Variants in FAM227B observed in about 807,000 individuals in gnomAD.
FAM227B encodes protein FAM227B.
Under a neutral mutation model 73.8 loss-of-function variants are expected in FAM227B, and 88 were observed. That is an observed-to-expected ratio of 1.19 (90% confidence interval 1.00 to 1.42). FAM227B has a LOEUF of 1.42. FAM227B is among the 40% of genes most tolerant of loss of function. The pLI is 0.00. For synonymous variants in FAM227B, 210 were observed against 190.5 expected (o/e 1.10, Z -0.84); for missense variants, 632 against 590.9 (o/e 1.07, Z -0.72).
At chr15:49,506,944 C>T (rs2058628640) in intron 11 of FAM227B, among the ~76,000 whole-genome samples, 1 of 151,884 alleles carries the variant, frequency 6.6e-6, no homozygotes, top group African/African-American at 2.4e-5. Context: ...TTTTCTGTTA[C>T]TTAAAAAGAA....
At chr15:49,340,756 T>C (rs2040600101) in intron 13 of FAM227B, among the ~76,000 whole-genome samples, 1 of 152,210 alleles carries the variant, frequency 6.6e-6, no homozygotes, top group South Asian at 2.1e-4. Context: ...GTGCAGAAGC[T>C]CTTTAGTTTA....
At chr15:49,436,954 T>C (rs748285351) in intron 11 of FAM227B, among the ~76,000 whole-genome samples, 1 of 151,602 alleles carries the variant, frequency 6.6e-6, no homozygotes, top group Non-Finnish European at 1.5e-5. Context: ...TACTCCAAGT[T>C]TCCTTGTACA....
rs192549241 is a variant in FAM227B, at chr15:49,444,879, C to A, written c.1012+63332G>T. On this transcript the variant is annotated intron_variant, in intron 11 of 15. Transcript: ENST00000299338. Reference sequence around the variant, plus strand: ...ACCTAATGCATAAAGTTTAGCCTCTCTTTTTTTGTTTTTATCACATCTCAG... The same window carrying A: ...ACCTAATGCATAAAGTTTAGCCTCTATTTTTTTGTTTTTATCACATCTCAG... Among the ~76,000 whole-genome samples the A allele has an allele frequency of 9.9e-5, 15 of 151,722 alleles. 1 individual carries two copies. The highest frequency in any genetic ancestry group is 7.9e-4 in the Admixed American group (12 of 15,180).
At chr15:49,545,169 T>A (rs1254569981) in intron 9 of FAM227B, among the ~76,000 whole-genome samples, 1 of 152,180 alleles carries the variant, frequency 6.6e-6, no homozygotes, top group Non-Finnish European at 1.5e-5. Flanking sequence ...ACTGTTTCAA[T>A]CTCACTACTT....
rs1301599923 is a variant in FAM227B at position 49,575,076 on chromosome 15, GA to G, written c.579del (p.Leu194SerfsTer40). Reference protein sequence around the residue: ...ERVFKIWKTHFLSEASIALLH... With the variant: ...ERVFKIWKTHXLSEASIALLH... Reference sequence around the variant, plus strand: ...AAAAGAGCAATGGAGGCTTCTGAGAGAAAATGAGTCTTCCAGATTTTAAAAA... The same window carrying G: ...AAAAGAGCAATGGAGGCTTCTGAGAGAAATGAGTCTTCCAGATTTTAAAAA... On this transcript the variant is annotated frameshift_variant, in exon 8 of 16. Coordinates refer to ENST00000299338, the MANE Select transcript of FAM227B (RefSeq NM_152647.3). LOFTEE classifies it high-confidence loss of function. 6.9e-6 allele frequency: 11 copies of G among 1,602,956 alleles called. No homozygotes were observed. The highest frequency in any genetic ancestry group is 8.5e-6 in the Non-Finnish European group (10 of 1,174,482).
At chr15:49,558,251 C>T in intron 9 of FAM227B, among the ~76,000 whole-genome samples, 1 of 152,336 alleles carries the variant, frequency 6.6e-6, no homozygotes, top group South Asian at 2.1e-4. Flanking sequence ...CCAACCTGGG[C>T]TCCTAGTGCA....
intron 11 of FAM227B, among the ~76,000 whole-genome samples, chr15:49,438,470 A>G (rs2051312423): frequency 1.3e-5 from 2 of 151,714 alleles, no homozygotes; most frequent in Non-Finnish European, 3.0e-5. Flanking sequence ...TGCAGAAGAG[A>G]AAAGGGAGAA....
intron 11 of FAM227B, among the ~76,000 whole-genome samples, chr15:49,491,632 C>T (rs1255476299): frequency 1.3e-5 from 2 of 151,870 alleles, no homozygotes; most frequent in Admixed American, 6.6e-5. Flanking sequence ...TATTCCCAAA[C>T]TTGCCCCTGC....
chr15:49,525,711 T>TATAA (rs2060142479), intron 10 of FAM227B, among the ~76,000 whole-genome samples: 2 of 63,170 alleles, frequency 3.2e-5, no homozygotes, highest in Non-Finnish European at 7.1e-5. Flanking sequence ...TATATATATA[T>TATAA]ATATATATCA....
chr15:49,450,995 T>C (rs2052673499), intron 11 of FAM227B, among the ~76,000 whole-genome samples: 1 of 152,174 alleles, frequency 6.6e-6, no homozygotes, highest in South Asian at 2.1e-4. Context: ...CAGTGCCATC[T>C]GTATGTGTGT....
chr15:49,341,770 A>AT (rs529867056), intron 13 of FAM227B, among the ~76,000 whole-genome samples: 106 of 152,102 alleles, frequency 7.0e-4, no homozygotes, highest in African/African-American at 2.4e-3. Context: ...TCTTTTAAAT[A>AT]TTTTTTTCCT....
intron 13 of FAM227B, among the ~76,000 whole-genome samples, chr15:49,338,834 C>G (rs373568932): frequency 6.6e-6 from 1 of 152,056 alleles, no homozygotes; most frequent in African/African-American, 2.4e-5. Flanking sequence ...TCTTTTCATT[C>G]TTTTTTTCTC....
intron 11 of FAM227B, among the ~76,000 whole-genome samples, chr15:49,394,200 C>A (rs2047411223): frequency 6.6e-6 from 1 of 152,052 alleles, no homozygotes; most frequent in African/African-American, 2.4e-5. Flanking sequence ...CCATCAACAC[C>A]AGTTCATAGG....
At chr15:49,613,923 G>A (rs1028965558) in intron 2 of FAM227B, among the ~76,000 whole-genome samples, 2 of 152,158 alleles carry the variant, frequency 1.3e-5, no homozygotes, top group African/African-American at 4.8e-5. Flanking sequence ...GCATGCAAAA[G>A]GCTTACAGAC....
At chr15:49,449,463 T>G (rs1201891170) in intron 11 of FAM227B, among the ~76,000 whole-genome samples, 1 of 152,010 alleles carries the variant, frequency 6.6e-6, no homozygotes, top group Non-Finnish European at 1.5e-5. Context: ...TTCTCAGATT[T>G]TCACCACCCA....
At chr15:49,375,925 T>A (rs1316350638) in intron 11 of FAM227B, among the ~76,000 whole-genome samples, 1 of 152,136 alleles carries the variant, frequency 6.6e-6, no homozygotes, top group South Asian at 2.1e-4. Context: ...TCTTGACTGG[T>A]ACTGTCATAA....
chr15:49,363,311 T>G (rs1405994712), intron 13 of FAM227B, among the ~76,000 whole-genome samples: 1 of 152,210 alleles, frequency 6.6e-6, no homozygotes, highest in Non-Finnish European at 1.5e-5. Flanking sequence ...AGCAATGTTT[T>G]GTAATTCTTG....
intron 15 of FAM227B, chr15:49,329,786 T>C: frequency 3.2e-6 from 3 of 945,390 alleles, no homozygotes; most frequent in Non-Finnish European, 3.8e-6. Flanking sequence ...TATAATTCTT[T>C]AAAGATACCT....
intron 11 of FAM227B, among the ~76,000 whole-genome samples, chr15:49,384,499 T>C (rs1349397734): frequency 1.3e-5 from 2 of 151,982 alleles, no homozygotes. Flanking sequence ...AATAGCTCTA[T>C]AGCATAAAAA....
Sources: allele counts gnomAD v4.1 joint callset (sites outside exome capture counted in the v4.1 genomes callset), GRCh38; gene constraint gnomAD v4.1.1; transcripts MANE v1.5; gene names NCBI Gene and HGNC (gene_info 2026-07-23, HGNC 2026-07-21).